CPSF4: variants seen among roughly 807,000 people sequenced by gnomAD.
CPSF4 encodes cleavage and polyadenylation specificity factor subunit 4.
In CPSF4, 11 loss-of-function variants were observed where a neutral mutation model predicts 37.7. The ratio of observed to expected loss-of-function variants is 0.29; its 90% CI spans 0.18 to 0.48. The LOEUF (loss-of-function observed/expected upper bound fraction) is 0.48, where lower values mean the gene tolerates loss of function less well. Ranked by LOEUF, CPSF4 falls within the 20% of genes least tolerant of loss-of-function variation. The pLI is 0.99. For missense variants in CPSF4, 144 were observed against 359.5 expected (o/e 0.40, Z 4.85); for synonymous variants, 132 against 135.9 (o/e 0.97, Z 0.20).
Position 99,442,334 on chromosome 7 carries a change from T to TTTTTC in CPSF4, c.104-2440_104-2436dup, listed in dbSNP as rs1378782392. Among the ~76,000 whole-genome samples, 416 of 152,180 alleles carry TTTTTC rather than the reference T, an allele frequency of 2.7e-3. 1 individual carries two copies. The highest frequency in any genetic ancestry group is 9.8e-3 in the African/African-American group (405 of 41,490). ...TGTGGGAATGAAAGGCTGTGCTTTT[T>TTTTTC]TTTTCTTTTCTTTTCTTTTTTATTA... On this transcript the variant is annotated intron_variant, in intron 1 of 7. Coordinates refer to ENST00000292476, the MANE Select transcript of CPSF4 (RefSeq NM_006693.4).
In CPSF4 at chr7:99,440,679, T is replaced by A. The variant is rs1346195542; in HGVS notation, c.103+1494T>A. ...GCATATATATATATATATATATTTT[T>A]TTTTTTTTTTTTTTCCTGCCTGTCC... is the stretch of plus-strand genomic sequence containing the variant. On this transcript the variant is annotated intron_variant, in intron 1 of 7. Transcript: ENST00000292476. 5.0e-3 allele frequency among the ~76,000 whole-genome samples: 655 copies of A among 132,092 alleles called. 5 individuals carry two copies. Among genetic ancestry groups the A allele is most frequent in the East Asian group, 0.017 (79 of 4,734 alleles). 86.7% of individuals were successfully genotyped at this position (132,092 alleles called of 152,430 possible).
rs1216519959 is a variant in CPSF4 at position 99,453,402 on chromosome 7, G to A, written c.571-564G>A. 6.6e-6 allele frequency: 1 copy of A among 152,454 alleles called. No homozygotes were observed. Among genetic ancestry groups the A allele is most frequent in the Non-Finnish European group, 1.5e-5 (1 of 68,250 alleles). 9.4% of individuals were successfully genotyped at this position (152,454 alleles called of 1,614,324 possible). ...GTAGGTGCAGCCGTGCCAACCTGGG[G>A]GTTTTCTAGCTCGGGTTCTGCACTT... On this transcript the variant is annotated intron_variant, in intron 6 of 7. Transcript: ENST00000292476. The surrounding 1 kb of genome is among the most constrained non-coding windows in gnomAD (Gnocchi z 4.7).
intron 1 of CPSF4, among the ~76,000 whole-genome samples, chr7:99,444,019 G>A (rs940218116): frequency 6.6e-6 from 1 of 152,190 alleles, no homozygotes; most frequent in Non-Finnish European, 1.5e-5. Flanking sequence ...CATCTCAGAG[G>A]CACTGCCTCT....
intron 1 of CPSF4, among the ~76,000 whole-genome samples, chr7:99,442,642 C>T (rs1194001204): frequency 5.4e-4 from 63 of 117,464 alleles, no homozygotes; most frequent in South Asian, 1.6e-3. Flanking sequence ...TGGGCAACAG[C>T]GAGACTCCGT....
chr7:99,448,459 C>CAT lies in CPSF4; in HGVS notation c.307+186_307+187insAT. ...CAGTGTGGCTATTTTCTGCTCATCT[C>CAT]TTTTTTTTTTTTTTTTTTTTTAAAG... On this transcript the variant is annotated intron_variant, in intron 3 of 7. Coordinates refer to ENST00000292476, the MANE Select transcript of CPSF4 (RefSeq NM_006693.4). This position sits in a 1 kb window ranked among gnomAD's most constrained non-coding sequence, Gnocchi z 4.4. 3.1e-6 allele frequency: 1 copy of CAT among 320,908 alleles called. No individual in the cohort carries two copies. The highest frequency in any genetic ancestry group is 5.6e-6 in the Non-Finnish European group (1 of 178,822). The allele number at this position is 320,908 out of a possible 1,614,324, so 19.9% of individuals were successfully genotyped here.
At chr7:99,452,509 AG>A in intron 6 of CPSF4, 69 bp downstream of exon 6, 1 of 1,422,582 alleles carries the variant, frequency 7.0e-7, no homozygotes. Context: ...AGTGTCCCCC[AG>A]GGGTGTGGTC....
Position 99,448,561 on chromosome 7 carries a change from A to C in CPSF4, c.307+288A>C. 3.3e-6 allele frequency: 1 copy of C among 299,844 alleles called. No homozygotes were observed. Among genetic ancestry groups the C allele is most frequent in the Admixed American group, 4.9e-5 (1 of 20,618 alleles). 18.6% of individuals were successfully genotyped at this position (299,844 alleles called of 1,614,324 possible). ...GTGATCTGCCTGCCTCAGCCTCCCA[A>C]AGTGCTGGGATTACAGGCGTGAGCC... is the stretch of plus-strand genomic sequence containing the variant. On this transcript the variant is annotated intron_variant, in intron 3 of 7. Coordinates refer to ENST00000292476, the MANE Select transcript of CPSF4 (RefSeq NM_006693.4). This position sits in a 1 kb window ranked among gnomAD's most constrained non-coding sequence, Gnocchi z 4.4.
rs1038226181 is a variant in CPSF4, at chr7:99,453,350, T to C, written c.571-616T>C. 1 of 152,648 alleles carries C rather than the reference T, an allele frequency of 6.6e-6. No individual in the cohort carries two copies. The highest frequency in any genetic ancestry group is 1.5e-5 in the Non-Finnish European group (1 of 68,458). The allele number at this position is 152,648 out of a possible 1,614,324, so 9.5% of individuals were successfully genotyped here. On this transcript the variant is annotated intron_variant, in intron 6 of 7. Transcript: ENST00000292476. The surrounding 1 kb of genome is among the most constrained non-coding windows in gnomAD (Gnocchi z 4.7). ...GGAGGCGCCAATCACATTGAACTCT[T>C]GATGGGGAAAGCCGGGAATTCCAGG...
At position 99,453,980 on chromosome 7, in the gene CPSF4, G is replaced by A. The variant is rs146864927; in HGVS notation, c.585G>A (p.Pro195=). The A allele has an allele frequency of 2.0e-5, 32 of 1,613,720 alleles. No individual in the cohort carries two copies. Among genetic ancestry groups the A allele is most frequent in the East Asian group, 1.6e-4 (7 of 44,868 alleles). The part of the protein sequence containing the change: ...TQPPAKQSNN[P]PLQRSSSLIQ... Reference sequence around the variant, plus strand: ...ACTCTTTCCAGCAAAGTAACAATCCGCCATTACAAAGGTCGTCCTCCTTGA... The same window carrying A: ...ACTCTTTCCAGCAAAGTAACAATCCACCATTACAAAGGTCGTCCTCCTTGA... Residue 195 remains proline, a synonymous_variant, in exon 7 of 8, where the codon CCG becomes CCA. Coordinates refer to ENST00000292476, the MANE Select transcript of CPSF4 (RefSeq NM_006693.4). The surrounding 1 kb of genome is among the most constrained non-coding windows in gnomAD (Gnocchi z 4.7).
chr7:99,440,674 A>ATATATATATATGTTTTTTTTT, intron 1 of CPSF4, among the ~76,000 whole-genome samples: 1 of 88,128 alleles, frequency 1.1e-5, no homozygotes, highest in African/African-American at 9.7e-5. Context: ...ATATATATAT[A>ATATATATATATGTTTTTTTTT]TTTTTTTTTT....
intron 7 of CPSF4, among the ~76,000 whole-genome samples, chr7:99,454,355 C>G (rs554391996): frequency 4.6e-5 from 7 of 152,224 alleles, no homozygotes; most frequent in Non-Finnish European, 1.0e-4. Context: ...ATGGTGAGAA[C>G]GCCTGCCTAG....
At chr7:99,450,887 A>C (rs151317433) in intron 5 of CPSF4, 92 bp downstream of exon 5, 36 of 906,820 alleles carry the variant, frequency 4.0e-5, no homozygotes, top group Non-Finnish European at 6.1e-5. Context: ...GGCCTTGGTC[A>C]CTGGGTGATG....
In CPSF4 at chr7:99,453,956, C is replaced by T. The variant is rs1798115647; in HGVS notation, c.571-10C>T. The T allele has an allele frequency of 6.2e-7, 1 of 1,613,482 alleles. No individual in the cohort carries two copies. Among genetic ancestry groups the T allele is most frequent in the Non-Finnish European group, 8.5e-7 (1 of 1,179,628 alleles). ...TCCACAGTAAAACCGTGTTGTGTAA[C>T]TCTTTCCAGCAAAGTAACAATCCGC... is the stretch of plus-strand genomic sequence containing the variant. On this transcript the variant is annotated splice_polypyrimidine_tract_variant and intron_variant, in intron 6 of 7. Coordinates refer to ENST00000292476, the MANE Select transcript of CPSF4 (RefSeq NM_006693.4). This position sits in a 1 kb window ranked among gnomAD's most constrained non-coding sequence, Gnocchi z 4.7.
At chr7:99,450,143 C>T (rs1455210918) in intron 3 of CPSF4, 133 bp from the exon 4 acceptor site, 4 of 697,422 alleles carry the variant, frequency 5.7e-6, no homozygotes, top group African/African-American at 5.4e-5. Context: ...AGCTGGGGCT[C>T]AGAAACACTC....
chr7:99,441,380 G>A (rs1212294263), intron 1 of CPSF4: 1 of 456,044 alleles, frequency 2.2e-6, no homozygotes, highest in Non-Finnish European at 4.4e-6. Context: ...GTGGCGAGGG[G>A]CCCACATACC....
In CPSF4 at chr7:99,444,852, G is replaced by C. The variant is rs200888443; in HGVS notation, c.154+13G>C. The C allele has an allele frequency of 1.2e-6, 2 of 1,613,000 alleles. No homozygotes were observed. Among genetic ancestry groups the C allele is most frequent in the East Asian group, 4.5e-5 (2 of 44,850 alleles). ...GCCTGCGGCAAAGGTAAGAAACTCC[G>C]GGCTCCCTGATGTGCCTCCGGAGGC... On this transcript the variant is annotated intron_variant, in intron 2 of 7. Transcript: ENST00000292476.
Position 99,448,512 on chromosome 7 carries a change from C to G in CPSF4, c.307+239C>G, listed in dbSNP as rs1398432141. 1 of 415,446 alleles carries G rather than the reference C, an allele frequency of 2.4e-6. No homozygotes were observed. The highest frequency in any genetic ancestry group is 4.2e-6 in the Non-Finnish European group (1 of 235,936). The allele number at this position is 415,446 out of a possible 1,614,324, so 25.7% of individuals were successfully genotyped here. ...ATAGGGTCTCGCTATGTTTCACATACTGGTCTTGAACTCCTGGGCTCGAGT... is the reference window on the plus strand; with the variant it reads ...ATAGGGTCTCGCTATGTTTCACATAGTGGTCTTGAACTCCTGGGCTCGAGT... On this transcript the variant is annotated intron_variant, in intron 3 of 7. Transcript: ENST00000292476. This position sits in a 1 kb window ranked among gnomAD's most constrained non-coding sequence, Gnocchi z 4.4.
chr7:99,443,325 T>G (rs1056730935), intron 1 of CPSF4: 3 of 935,798 alleles, frequency 3.2e-6, no homozygotes, highest in African/African-American at 3.2e-5. Flanking sequence ...TTCTTCTGTT[T>G]CATCTCCTAG....
At chr7:99,450,876 G>A (rs1797885022) in intron 5 of CPSF4, 81 bp downstream of exon 5, 3 of 1,038,724 alleles carry the variant, frequency 2.9e-6, no homozygotes, top group African/African-American at 3.1e-5. Context: ...TGGGCCAACT[G>A]GGCCTTGGTC....
Sources: gnomAD v4.1 joint callset for allele counts (sites outside exome capture counted in the v4.1 genomes callset) on GRCh38, gnomAD v4.1.1 for gene constraint, Gnocchi (gnomAD v3.1) non-coding constraint, MANE v1.5 for transcripts, NCBI Gene and HGNC (gene_info 2026-07-23, HGNC 2026-07-21) for gene names.